The following ROBO2 variants were observed in gnomAD, a reference collection of about 807,000 sequenced individuals.
ROBO2 encodes the protein roundabout homolog 2.
In ROBO2, 53 loss-of-function variants were observed where a neutral mutation model predicts 160.8. The ratio of observed to expected loss-of-function variants is 0.33; its 90% CI spans 0.26 to 0.41. The LOEUF is 0.41. Among genes scored for constraint, ROBO2 ranks in the 10% least tolerant of loss-of-function variants. The pLI is 1.00. For missense variants in ROBO2, 1,577 were observed against 1,722.4 expected (o/e 0.92, Z 1.49); for synonymous variants, 664 against 611.7 (o/e 1.09, Z -1.26).
At chr3:76,663,404 G>A (rs2091904273) in intron 2 of ROBO2, among the ~76,000 whole-genome samples, 1 of 152,174 alleles carries the variant, frequency 6.6e-6, no homozygotes, top group Admixed American at 6.6e-5. Context: ...TGAAGGGGGA[G>A]CAGTAAAAGA....
intron 1 of ROBO2, among the ~76,000 whole-genome samples, chr3:77,079,906 G>T (rs1425860237): frequency 6.6e-6 from 1 of 152,150 alleles, no homozygotes; most frequent in East Asian, 1.9e-4. Context: ...AACCAAAGTT[G>T]TGTCTCAATA....
At chr3:77,341,142 A>T (rs991740947) in intron 2 of ROBO2, among the ~76,000 whole-genome samples, 1 of 152,116 alleles carries the variant, frequency 6.6e-6, no homozygotes, top group East Asian at 1.9e-4. Context: ...TTCATACCAC[A>T]ATTCTATGGC....
intron 2 of ROBO2, among the ~76,000 whole-genome samples, chr3:77,180,416 C>CTCTATATATATA (rs1433740534): frequency 8.2e-4 from 74 of 90,726 alleles, no homozygotes; most frequent in African/African-American, 2.4e-3. Context: ...CTCTCTCTCT[C>CTCTATATATATA]TATATATATA....
chr3:76,113,823 C>T (rs1030569377), intron 2 of ROBO2, among the ~76,000 whole-genome samples: 1 of 152,076 alleles, frequency 6.6e-6, no homozygotes, highest in Non-Finnish European at 1.5e-5. Flanking sequence ...AGGATGGATC[C>T]CTCATAAATG....
chr3:76,484,898 G>A (rs2079407513), intron 2 of ROBO2, among the ~76,000 whole-genome samples: 1 of 151,836 alleles, frequency 6.6e-6, no homozygotes, highest in Admixed American at 6.6e-5. Flanking sequence ...TATTAACTAG[G>A]GACATTTTTT....
At chr3:76,829,771 C>T (rs1225684728) in intron 2 of ROBO2, among the ~76,000 whole-genome samples, 1 of 151,860 alleles carries the variant, frequency 6.6e-6, no homozygotes, top group Non-Finnish European at 1.5e-5. Flanking sequence ...CAGGTTCAAG[C>T]GATTCTCCTG....
chr3:77,169,680 G>A (rs565495640), intron 2 of ROBO2, among the ~76,000 whole-genome samples: 70 of 152,230 alleles, frequency 4.6e-4, no homozygotes, highest in Non-Finnish European at 8.7e-4. Flanking sequence ...CCAGAAACCT[G>A]CTTTAGGTAA....
chr3:76,776,249 T>C (rs2062247131), intron 2 of ROBO2, among the ~76,000 whole-genome samples: 1 of 151,002 alleles, frequency 6.6e-6, no homozygotes, highest in Admixed American at 6.6e-5. Context: ...GTTAAAGCCA[T>C]AATAATTCAA....
chr3:75,935,393 C>G (rs1364657389), intron 1 of ROBO2, among the ~76,000 whole-genome samples: 1 of 151,798 alleles, frequency 6.6e-6, no homozygotes, highest in East Asian at 1.9e-4. Context: ...GTGCCTGTAG[C>G]CTGAGCTACT....
chr3:76,452,871 C>G (rs1317283201), intron 2 of ROBO2, among the ~76,000 whole-genome samples: 2 of 152,220 alleles, frequency 1.3e-5, no homozygotes, highest in African/African-American at 4.8e-5. Flanking sequence ...GCCATTCTAA[C>G]GGGTGTGAGA....
chr3:77,010,436 T>A (rs1007172633), intron 2 of ROBO2, among the ~76,000 whole-genome samples: 13 of 152,110 alleles, frequency 8.5e-5, no homozygotes, highest in African/African-American at 3.1e-4. Flanking sequence ...TCCAAAGACA[T>A]CTCCGCGTTT....
intron 2 of ROBO2, among the ~76,000 whole-genome samples, chr3:77,205,127 A>C (rs2083295459): frequency 6.6e-6 from 1 of 152,186 alleles, no homozygotes; most frequent in Non-Finnish European, 1.5e-5. Flanking sequence ...AGTGTTAACC[A>C]GCTCAGTGGA....
chr3:76,610,647 C>A (rs2088030755), intron 2 of ROBO2, among the ~76,000 whole-genome samples: 1 of 146,324 alleles, frequency 6.8e-6, no homozygotes, highest in African/African-American at 2.5e-5. Context: ...TGAGCAGGAG[C>A]ACGTTCAGCT....
At chr3:76,503,906 A>T (rs2080622123) in intron 2 of ROBO2, among the ~76,000 whole-genome samples, 1 of 152,230 alleles carries the variant, frequency 6.6e-6, no homozygotes, top group Admixed American at 6.5e-5. Flanking sequence ...TAATTCACTG[A>T]ACGTGTCTGG....
At chr3:77,460,386 A>G (rs985638578) in intron 2 of ROBO2, among the ~76,000 whole-genome samples, 8 of 152,278 alleles carry the variant, frequency 5.3e-5, no homozygotes, top group African/African-American at 1.9e-4. Context: ...GACACTGTCA[A>G]GCAGGCAGGT....
intron 2 of ROBO2, among the ~76,000 whole-genome samples, chr3:76,125,839 T>C (rs1432820338): frequency 2.0e-5 from 3 of 152,124 alleles, no homozygotes; most frequent in Non-Finnish European, 2.9e-5. Flanking sequence ...TTTATTATTA[T>C]TATTTGACAT....
At chr3:76,903,231 T>C (rs2075355098) in intron 2 of ROBO2, among the ~76,000 whole-genome samples, 1 of 152,160 alleles carries the variant, frequency 6.6e-6, no homozygotes, top group Non-Finnish European at 1.5e-5. Context: ...TCAAAACCAA[T>C]GTTTCTCTTA....
At chr3:77,344,613 G>A (rs986730558) in intron 2 of ROBO2, among the ~76,000 whole-genome samples, 3 of 152,084 alleles carry the variant, frequency 2.0e-5, no homozygotes, top group African/African-American at 7.2e-5. Context: ...GCCACCAGAA[G>A]GTATAAGAGA....
intron 2 of ROBO2, among the ~76,000 whole-genome samples, chr3:77,118,525 C>A (rs1011397854): frequency 7.9e-5 from 12 of 152,130 alleles, no homozygotes; most frequent in African/African-American, 2.7e-4. Context: ...ATGTTTTACA[C>A]AGTTATTTTA....
Sources: allele counts gnomAD v4.1 joint callset (sites outside exome capture counted in the v4.1 genomes callset), GRCh38; gene constraint gnomAD v4.1.1; transcripts MANE v1.5; gene names NCBI Gene and HGNC (gene_info 2026-07-23, HGNC 2026-07-21).